Variants in NRXN3 observed in about 807,000 individuals in gnomAD.
NRXN3 encodes neurexin III.
In NRXN3, 32 loss-of-function variants were observed where a neutral mutation model predicts 137.6. The observed-to-expected ratio is 0.23, with a 90% confidence interval of 0.18 to 0.31. The LOEUF (loss-of-function observed/expected upper bound fraction) is 0.31. Ranked by LOEUF, NRXN3 falls within the 10% of genes least tolerant of loss-of-function variation. The pLI is 1.00. For missense variants in NRXN3, 1,574 were observed against 2,062.5 expected (o/e 0.76, Z 4.59); for synonymous variants, 798 against 784.5 (o/e 1.02, Z -0.29).
At position 79,419,317 on chromosome 14, in the gene NRXN3, A is replaced by T. The variant is rs116789538; in HGVS notation, c.3263-47904A>T. On this transcript the variant is annotated intron_variant, in intron 15 of 20. Coordinates refer to ENST00000335750, the MANE Select transcript of NRXN3 (RefSeq NM_001330195.2). The stretch of plus-strand genomic sequence containing the variant: ...AAGATTCAAAAGAAGCTCAATAGGA[A>T]GAATGATCCTAAGACAAAATGGATG... Among the ~76,000 whole-genome samples the T allele has an allele frequency of 6.4e-4, 97 of 152,338 alleles. 1 individual carries two copies. The highest frequency in any genetic ancestry group is 2.2e-3 in the African/African-American group (90 of 41,594).
intron 16 of NRXN3, among the ~76,000 whole-genome samples, chr14:79,614,384 A>G (rs1409692350): frequency 7.8e-6 from 1 of 128,394 alleles, no homozygotes; most frequent in Non-Finnish European, 1.5e-5. Context: ...GCCTTCATGA[A>G]CTTTTTTTTT....
At chr14:79,728,706 C>T (rs974990361) in intron 19 of NRXN3, among the ~76,000 whole-genome samples, 7 of 152,180 alleles carry the variant, frequency 4.6e-5, no homozygotes, top group Non-Finnish European at 1.0e-4. Context: ...ATGGCTGCCT[C>T]ACCATTTATC....
chr14:79,213,628 G>C (rs373434975), intron 15 of NRXN3, among the ~76,000 whole-genome samples: 5 of 151,446 alleles, frequency 3.3e-5, no homozygotes, highest in Middle Eastern at 3.4e-3. Context: ...TTTTTTTTGG[G>C]GGGGGGTGGC....
intron 10 of NRXN3, among the ~76,000 whole-genome samples, chr14:78,918,648 C>T (rs571175160): frequency 1.9e-4 from 29 of 152,282 alleles, no homozygotes; most frequent in African/African-American, 7.0e-4. Context: ...CTCTTGATTT[C>T]ATTTTCTACT....
At position 78,714,890 on chromosome 14, in the gene NRXN3, T is replaced by C. The variant is rs747950143; in HGVS notation, c.1795T>C (p.Trp599Arg). Residue 599 changes from tryptophan to arginine, a missense_variant, in exon 8 of 21, where the codon TGG (tryptophan) becomes CGG (arginine). By Grantham distance (101) the Trp-to-Arg change is moderately radical. Transcript: ENST00000335750. ...TGGCCTTATTCTCCCCACCGAGCTG[T>C]GGACTGCCATGCTCAACTATGGCTA... ...RAGLILPTEL[W>R]TAMLNYGYVG... 19 of 1,614,006 alleles carry C rather than the reference T, an allele frequency of 1.2e-5. No homozygotes were observed. The highest frequency in any genetic ancestry group is 6.7e-5 in the East Asian group (3 of 44,862).
chr14:79,053,811 G>A (rs1028660234), intron 15 of NRXN3, among the ~76,000 whole-genome samples: 4 of 152,092 alleles, frequency 2.6e-5, no homozygotes, highest in African/African-American at 9.7e-5. Flanking sequence ...GGTAGAGGTG[G>A]AGAGAAATAT....
intron 4 of NRXN3, among the ~76,000 whole-genome samples, chr14:78,515,776 AG>A (rs994051175): frequency 1.3e-5 from 2 of 152,050 alleles, no homozygotes; most frequent in Admixed American, 1.3e-4. Flanking sequence ...TGAGGGGAAA[AG>A]AAAAAGATAG....
At chr14:78,540,541 G>T (rs1239375450) in intron 4 of NRXN3, among the ~76,000 whole-genome samples, 2 of 150,188 alleles carry the variant, frequency 1.3e-5, no homozygotes, top group South Asian at 4.2e-4. Flanking sequence ...CCTGAATACA[G>T]CACACTGATG....
intron 15 of NRXN3, among the ~76,000 whole-genome samples, chr14:79,322,859 C>T (rs1306398895): frequency 1.3e-5 from 2 of 152,144 alleles, no homozygotes; most frequent in Admixed American, 6.5e-5. Context: ...TACTTTGGCA[C>T]CTCATTGCTT....
At chr14:79,391,122 T>C (rs2094830920) in intron 15 of NRXN3, among the ~76,000 whole-genome samples, 1 of 152,064 alleles carries the variant, frequency 6.6e-6, no homozygotes, top group Non-Finnish European at 1.5e-5. Flanking sequence ...GCAGCACTAA[T>C]GGACTTAGTC....
intron 1 of NRXN3, among the ~76,000 whole-genome samples, chr14:78,236,155 A>G (rs530660356): frequency 1.3e-5 from 2 of 152,358 alleles, no homozygotes; most frequent in South Asian, 4.1e-4. Flanking sequence ...AAAAGCACAT[A>G]CATTGTAAGT....
chr14:79,148,664 C>T (rs1349020986), intron 15 of NRXN3, among the ~76,000 whole-genome samples: 4 of 152,148 alleles, frequency 2.6e-5, no homozygotes, highest in Non-Finnish European at 5.9e-5. Context: ...CCCTTGGATC[C>T]TGGGGAAATT....
At chr14:78,684,054 A>G (rs1014809747) in intron 6 of NRXN3, among the ~76,000 whole-genome samples, 2 of 152,200 alleles carry the variant, frequency 1.3e-5, no homozygotes, top group African/African-American at 2.4e-5. Flanking sequence ...CTTGGAGATC[A>G]TATTGTCTTC....
chr14:79,063,410 A>G (rs1425999587), intron 15 of NRXN3, among the ~76,000 whole-genome samples: 1 of 152,128 alleles, frequency 6.6e-6, no homozygotes, highest in East Asian at 1.9e-4. Flanking sequence ...CAGCTTCCTG[A>G]GTAGCTGGGA....
intron 2 of NRXN3, among the ~76,000 whole-genome samples, chr14:78,261,071 T>A (rs1038059276): frequency 6.6e-6 from 1 of 152,156 alleles, no homozygotes; most frequent in Non-Finnish European, 1.5e-5. Flanking sequence ...AGAGAAAGCA[T>A]CTGTCTAAGG....
At chr14:79,547,212 C>T (rs1027106105) in intron 16 of NRXN3, among the ~76,000 whole-genome samples, 11 of 152,136 alleles carry the variant, frequency 7.2e-5, no homozygotes, top group Admixed American at 5.9e-4. Context: ...TCTTATAAAA[C>T]ATCAGTACTT....
chr14:78,403,622 G>T, intron 4 of NRXN3: 2 of 681,350 alleles, frequency 2.9e-6, no homozygotes, highest in South Asian at 6.6e-5. Context: ...CTAATTGCCG[G>T]TGCTGCACTA....
intron 15 of NRXN3, among the ~76,000 whole-genome samples, chr14:79,449,400 A>C (rs961327720): frequency 6.6e-6 from 1 of 151,806 alleles, no homozygotes; most frequent in Non-Finnish European, 1.5e-5. Flanking sequence ...CAGTTTGCTT[A>C]TTTTCCTTTG....
intron 19 of NRXN3, among the ~76,000 whole-genome samples, chr14:79,711,068 C>T (rs1056145193): frequency 2.6e-5 from 4 of 152,184 alleles, no homozygotes; most frequent in African/African-American, 9.6e-5. Flanking sequence ...TCAAAAAAGA[C>T]CAAATTTCAA....
Sources: gnomAD v4.1 joint callset for allele counts (sites outside exome capture counted in the v4.1 genomes callset) on GRCh38, gnomAD v4.1.1 for gene constraint, MANE v1.5 for transcripts, NCBI Gene and HGNC (gene_info 2026-07-23, HGNC 2026-07-21) for gene names.